Variants in LEPR observed in about 807,000 individuals in gnomAD.
The protein encoded by LEPR is OB receptor.
Under a neutral mutation model 114.7 loss-of-function variants are expected in LEPR, and 56 were observed. The observed-to-expected ratio is 0.49, with a 90% CI of 0.39 to 0.61. LEPR has a LOEUF of 0.61. Among genes scored for constraint, LEPR ranks in the 20% least tolerant of loss-of-function variants. The pLI is 0.00. For synonymous variants in LEPR, 443 were observed against 461.4 expected (o/e 0.96, Z 0.51); for missense variants, 1,202 against 1,352.9 (o/e 0.89, Z 1.75).
intron 2 of LEPR, among the ~76,000 whole-genome samples, chr1:65,492,746 G>C (rs1647941684): frequency 6.6e-6 from 1 of 150,908 alleles, no homozygotes; most frequent in Non-Finnish European, 1.5e-5. Context: ...TATAGCTTCA[G>C]TGGTTATGTT....
At chr1:65,521,122 G>C (rs563973033) in intron 2 of LEPR, among the ~76,000 whole-genome samples, 1 of 152,210 alleles carries the variant, frequency 6.6e-6, no homozygotes, top group African/African-American at 2.4e-5. Flanking sequence ...TGATTTTTCC[G>C]TAACAGACGA....
intron 5 of LEPR, among the ~76,000 whole-genome samples, chr1:65,591,188 A>T (rs1655671681): frequency 6.6e-6 from 1 of 151,890 alleles, no homozygotes; most frequent in African/African-American, 2.4e-5. Flanking sequence ...TATTAATCCT[A>T]TTTTTGTGTG....
chr1:65,616,899 A>G (rs1225548679), intron 15 of LEPR, among the ~76,000 whole-genome samples: 1 of 152,098 alleles, frequency 6.6e-6, no homozygotes, highest in Non-Finnish European at 1.5e-5. Context: ...CCTTTATGAA[A>G]TCTTTGCTTA....
chr1:65,629,717 C>T (rs557946638), intron 19 of LEPR, among the ~76,000 whole-genome samples: 1 of 151,236 alleles, frequency 6.6e-6, no homozygotes, highest in South Asian at 2.1e-4. Flanking sequence ...TCTCCTTCCC[C>T]TTCTCTTCCC....
rs866908754 is a variant in LEPR at position 65,544,973 on chromosome 1, C to G, written c.-20-20573C>G. ...CCTCCCCACTCCCCCCACCCCACAACAGTCCCCAGAGTGTGATGTTCCCCT... is the reference window on the plus strand; with the variant it reads ...CCTCCCCACTCCCCCCACCCCACAAGAGTCCCCAGAGTGTGATGTTCCCCT... On this transcript the variant is annotated intron_variant, in intron 2 of 19. Transcript: ENST00000349533. 2.4e-4 allele frequency among the ~76,000 whole-genome samples: 35 copies of G among 148,916 alleles called. No homozygotes were observed. In the South Asian group the frequency reaches 6.9e-3, roughly 29 times the overall value.
chr1:65,450,454 G>A (rs1646768919), intron 2 of LEPR, among the ~76,000 whole-genome samples: 1 of 135,396 alleles, frequency 7.4e-6, no homozygotes, highest in African/African-American at 2.8e-5. Context: ...AGTCCCCAGA[G>A]TGTGATGTTC....
chr1:65,565,747 C>G lies in LEPR; in HGVS notation c.40+142C>G, dbSNP rs1010056228. 4.4e-6 allele frequency: 5 copies of G among 1,149,406 alleles called. No individual in the cohort carries two copies. In the East Asian group the frequency reaches 1.3e-4, roughly 29 times the overall value. The allele number at this position is 1,149,406 out of a possible 1,614,324, so 71.2% of individuals were successfully genotyped here. A position where few individuals can be genotyped will look rare whatever the true frequency, so the allele number is the denominator to read the frequency against. On this transcript the variant is annotated intron_variant, in intron 3 of 19. Coordinates refer to ENST00000349533, the MANE Select transcript of LEPR (RefSeq NM_002303.6). ...TCATACATGCTTATGATTAAAAATG[C>G]AAACCATAGTATAGGTGTATCAGTG...
intron 2 of LEPR, chr1:65,435,251 G>A: frequency 2.0e-6 from 2 of 984,822 alleles, no homozygotes; most frequent in South Asian, 4.7e-5. Context: ...TTACCTCTGA[G>A]GTATCTCCTC....
chr1:65,538,559 A>G (rs1650942519), intron 2 of LEPR, among the ~76,000 whole-genome samples: 1 of 152,156 alleles, frequency 6.6e-6, no homozygotes, highest in Non-Finnish European at 1.5e-5. Flanking sequence ...CTAAAAGTAT[A>G]TTTGTTTCTC....
At chr1:65,420,657 C>G (rs1646226031), upstream of LEPR, 2 of 1,542,690 alleles carry the variant, frequency 1.3e-6, no homozygotes, top group African/African-American at 2.8e-5. Flanking sequence ...GACTCCCGGT[C>G]TGGCTTGGGC....
chr1:65,634,993 G>A (rs1003188573), intron 19 of LEPR: 1 of 820,308 alleles, frequency 1.2e-6, no homozygotes, highest in Non-Finnish European at 1.5e-6. Context: ...ACCTACATAA[G>A]TCTATTCCAT....
At chr1:65,447,372 T>A (rs1350825529) in intron 2 of LEPR, among the ~76,000 whole-genome samples, 1 of 152,140 alleles carries the variant, frequency 6.6e-6, no homozygotes, top group Non-Finnish European at 1.5e-5. Context: ...TTCCTATTCA[T>A]GAACAGGGAC....
intron 2 of LEPR, among the ~76,000 whole-genome samples, chr1:65,440,387 AAAT>A (rs1478084206): frequency 2.6e-5 from 4 of 151,992 alleles, no homozygotes; most frequent in Admixed American, 2.6e-4. Context: ...GGGAAGCAAA[AAAT>A]AAACTTCACA....
chr1:65,542,329 T>A (rs559819691), intron 2 of LEPR, among the ~76,000 whole-genome samples: 9 of 152,170 alleles, frequency 5.9e-5, no homozygotes, highest in African/African-American at 2.2e-4. Context: ...AGAATAAATA[T>A]CTACATTAAT....
At chr1:65,543,356 G>A (rs1651387466) in intron 2 of LEPR, among the ~76,000 whole-genome samples, 1 of 151,854 alleles carries the variant, frequency 6.6e-6, no homozygotes. Context: ...GTAGATTCTG[G>A]ATATTAGCCC....
At chr1:65,442,954 C>T (rs546269305) in intron 2 of LEPR, among the ~76,000 whole-genome samples, 2 of 152,220 alleles carry the variant, frequency 1.3e-5, no homozygotes, top group Non-Finnish European at 2.9e-5. Flanking sequence ...GAAGTACCAG[C>T]CCCTATCTTG....
intron 2 of LEPR, among the ~76,000 whole-genome samples, chr1:65,518,684 C>T (rs925316046): frequency 1.3e-5 from 2 of 152,154 alleles, no homozygotes; most frequent in Admixed American, 1.3e-4. Context: ...GCTATATGCC[C>T]AACTTCATTG....
Position 65,608,776 on chromosome 1 carries a change from G to T in LEPR, c.1627G>T (p.Val543Leu). ...SVVKPLPPSS[V>L]KAEITINIGL... ...AGTGAAGCCACTGCCTCCATCCAGT[G>T]TGAAAGCAGAAATTACTATAAACAT... Residue 543 changes from valine (V) to leucine (L), a missense_variant, in exon 12 of 20, where the codon GTG (valine) becomes TTG (leucine). Val to Leu is a conservative substitution (Grantham distance 32). Transcript: ENST00000349533. The T allele has an allele frequency of 6.2e-7, 1 of 1,613,632 alleles. No homozygotes were observed. Among genetic ancestry groups the T allele is most frequent in the East Asian group, 2.2e-5 (1 of 44,758 alleles).
chr1:65,469,949 G>T (rs903731801), intron 2 of LEPR, among the ~76,000 whole-genome samples: 1 of 152,216 alleles, frequency 6.6e-6, no homozygotes, highest in Non-Finnish European at 1.5e-5. Context: ...GATATTTGAT[G>T]TGAGATTAGG....
Sources: allele counts gnomAD v4.1 joint callset (sites outside exome capture counted in the v4.1 genomes callset), GRCh38; gene constraint gnomAD v4.1.1; transcripts MANE v1.5; gene names NCBI Gene and HGNC (gene_info 2026-07-23, HGNC 2026-07-21).